The following LRP1B variants were observed in gnomAD, a reference collection of about 807,000 sequenced individuals.
LRP1B encodes the protein LDL receptor related protein 1B.
In LRP1B, 217 loss-of-function variants were observed where a neutral mutation model predicts 556.6. The ratio of observed to expected loss-of-function variants is 0.39; its 90% CI spans 0.35 to 0.44. The LOEUF is 0.44. LRP1B is among the 20% of genes least tolerant of loss of function. LRP1B has a pLI of 1.00. For synonymous variants in LRP1B, 2,047 were observed against 1,865.8 expected (o/e 1.10, Z -2.50); for missense variants, 5,053 against 5,620.8 (o/e 0.90, Z 3.23).
intron 3 of LRP1B, among the ~76,000 whole-genome samples, chr2:141,428,654 G>A (rs1279441390): frequency 1.3e-5 from 2 of 152,110 alleles, no homozygotes; most frequent in African/African-American, 4.8e-5. Flanking sequence ...GCTTTCCTGA[G>A]TCAACATCCC....
chr2:141,000,914 C>CCTATGT (rs142296397), intron 15 of LRP1B, among the ~76,000 whole-genome samples: 1 of 151,604 alleles, frequency 6.6e-6, no homozygotes, highest in Admixed American at 6.6e-5. Context: ...CAATATCTTT[C>CCTATGT]CTATATCAAT....
chr2:141,906,743 T>C (rs1388732806), intron 1 of LRP1B, among the ~76,000 whole-genome samples: 4 of 152,074 alleles, frequency 2.6e-5, no homozygotes, highest in African/African-American at 7.2e-5. Flanking sequence ...GGTGTGTGCA[T>C]GCATATTTGT....
At chr2:141,379,645 A>G (rs926196231) in intron 3 of LRP1B, among the ~76,000 whole-genome samples, 10 of 152,108 alleles carry the variant, frequency 6.6e-5, no homozygotes, top group Non-Finnish European at 1.3e-4. Context: ...AAGGGCTTGA[A>G]CCACTTATCT....
intron 1 of LRP1B, among the ~76,000 whole-genome samples, chr2:142,085,023 G>T (rs1432951060): frequency 6.6e-6 from 1 of 152,110 alleles, no homozygotes. Context: ...TCTTTAATCT[G>T]TTGTAAAATG....
intron 2 of LRP1B, among the ~76,000 whole-genome samples, chr2:141,691,349 C>T (rs1223093075): frequency 6.6e-6 from 1 of 151,256 alleles, no homozygotes; most frequent in Non-Finnish European, 1.5e-5. Flanking sequence ...TGATTTAGAC[C>T]CAGAATTTAT....
intron 60 of LRP1B, among the ~76,000 whole-genome samples, chr2:140,468,785 G>T (rs1337539041): frequency 1.3e-5 from 2 of 152,148 alleles, no homozygotes; most frequent in African/African-American, 4.8e-5. Context: ...AGATTATCTT[G>T]GAGCCTTAAG....
chr2:141,434,361 A>G (rs772399576), intron 3 of LRP1B, among the ~76,000 whole-genome samples: 1 of 151,994 alleles, frequency 6.6e-6, no homozygotes, highest in Non-Finnish European at 1.5e-5. Flanking sequence ...TGCCAGCTCA[A>G]ATCTACTGTT....
At chr2:140,421,564 A>AT (rs1274180669) in intron 66 of LRP1B, among the ~76,000 whole-genome samples, 28 of 152,144 alleles carry the variant, frequency 1.8e-4, no homozygotes, top group African/African-American at 6.5e-4. Context: ...AAAAAAGTTT[A>AT]TTATTTGTCC....
chr2:141,166,087 C>T (rs1396384380), intron 7 of LRP1B, among the ~76,000 whole-genome samples: 2 of 152,016 alleles, frequency 1.3e-5, no homozygotes, highest in East Asian at 1.9e-4. Flanking sequence ...GCTTCCTTAC[C>T]CCACATACGC....
chr2:141,048,830 A>G (rs932102346), intron 11 of LRP1B, among the ~76,000 whole-genome samples, 156 bp downstream of exon 11: 2 of 152,128 alleles, frequency 1.3e-5, no homozygotes, highest in Non-Finnish European at 2.9e-5. Context: ...GAAAACAGAG[A>G]AACAATGTTA....
intron 2 of LRP1B, among the ~76,000 whole-genome samples, chr2:141,636,590 CTT>C (rs1225596291): frequency 6.6e-6 from 1 of 152,016 alleles, no homozygotes; most frequent in Non-Finnish European, 1.5e-5. Context: ...AAAATTTAAT[CTT>C]GAGAAATCAT....
chr2:142,058,345 C>T (rs1704756953), intron 1 of LRP1B, among the ~76,000 whole-genome samples: 1 of 152,122 alleles, frequency 6.6e-6, no homozygotes, highest in African/African-American at 2.4e-5. Context: ...CCACATTCAA[C>T]AGGTCATCTG....
chr2:140,569,108 A>C (rs1307711205), intron 43 of LRP1B, among the ~76,000 whole-genome samples: 2 of 152,008 alleles, frequency 1.3e-5, no homozygotes, highest in African/African-American at 4.8e-5. Flanking sequence ...ACCTTATCAC[A>C]ACAACATCAA....
intron 43 of LRP1B, among the ~76,000 whole-genome samples, chr2:140,578,365 C>T (rs1039475723): frequency 1.3e-5 from 2 of 152,084 alleles, no homozygotes; most frequent in African/African-American, 4.8e-5. Context: ...GGTGATTTTC[C>T]ATTAACGTAG....
chr2:140,517,848 C>A (rs542235241), intron 49 of LRP1B, among the ~76,000 whole-genome samples: 1 of 151,778 alleles, frequency 6.6e-6, no homozygotes, highest in African/African-American at 2.4e-5. Context: ...ATAGCTAGGA[C>A]TACAGGCTTG....
intron 2 of LRP1B, among the ~76,000 whole-genome samples, chr2:141,604,177 C>T: frequency 6.6e-6 from 1 of 152,102 alleles, no homozygotes; most frequent in Non-Finnish European, 1.5e-5. Flanking sequence ...ACACCATTTA[C>T]TAAAGCAGCA....
At chr2:141,788,901 G>T (rs1210057155) in intron 2 of LRP1B, among the ~76,000 whole-genome samples, 3 of 152,050 alleles carry the variant, frequency 2.0e-5, no homozygotes, top group Non-Finnish European at 4.4e-5. Context: ...GTATTCCATG[G>T]TGTATATGTG....
intron 3 of LRP1B, among the ~76,000 whole-genome samples, chr2:141,464,684 G>A (rs62168038): frequency 0.053 from 7,901 of 147,786 alleles, 270 homozygotes; most frequent in Non-Finnish European, 0.067. Context: ...CACCCGGCTC[G>A]GCCTCCCAAA....
intron 2 of LRP1B, among the ~76,000 whole-genome samples, chr2:141,590,000 T>A (rs1687278756): frequency 6.6e-6 from 1 of 152,226 alleles, no homozygotes; most frequent in Non-Finnish European, 1.5e-5. Flanking sequence ...ATTGCCATTT[T>A]TCATGTTATT....
Sources: gnomAD v4.1 joint callset for allele counts (sites outside exome capture counted in the v4.1 genomes callset) on GRCh38, gnomAD v4.1.1 for gene constraint, MANE v1.5 for transcripts, NCBI Gene and HGNC (gene_info 2026-07-23, HGNC 2026-07-21) for gene names.